The following CHST9 variants were observed in gnomAD, a reference collection of about 807,000 sequenced individuals.
CHST9 encodes carbohydrate sulfotransferase 9, also known as GalNAc-4-sulfotransferase 2.
Under a neutral mutation model 44.4 loss-of-function variants are expected in CHST9, and 41 were observed. That is an observed-to-expected ratio of 0.92 (90% CI 0.72 to 1.20). The LOEUF (loss-of-function observed/expected upper bound fraction) is 1.20, where lower values mean the gene tolerates loss of function less well. CHST9 is among the 50% of genes most tolerant of loss of function. The probability of loss-of-function intolerance (pLI) is 0.00; values close to 1 mark genes in which losing one functional copy is unlikely to be tolerated. For missense variants in CHST9, 504 were observed against 516.5 expected (o/e 0.98, Z 0.23); for synonymous variants, 171 against 178.4 (o/e 0.96, Z 0.33).
chr18:26,952,553 G>A, intron 4 of CHST9: 1 of 432,578 alleles, frequency 2.3e-6, no homozygotes, highest in East Asian at 6.0e-5. Context: ...TTACCACCTT[G>A]TGAAAGTTTA....
intron 2 of CHST9, among the ~76,000 whole-genome samples, chr18:27,067,544 T>G (rs1390968041): frequency 6.6e-6 from 1 of 152,204 alleles, no homozygotes; most frequent in Non-Finnish European, 1.5e-5. Context: ...AATGGTGGGA[T>G]AGTACCCAAG....
chr18:27,123,125 C>G (rs2058389238), intron 2 of CHST9, among the ~76,000 whole-genome samples: 1 of 152,202 alleles, frequency 6.6e-6, no homozygotes, highest in African/African-American at 2.4e-5. Context: ...TTTCTCAGAA[C>G]TCCCAATGTG....
intron 4 of CHST9, among the ~76,000 whole-genome samples, chr18:26,985,764 T>C (rs1276631401): frequency 5.9e-5 from 9 of 152,172 alleles, no homozygotes; most frequent in Admixed American, 4.6e-4. Flanking sequence ...TTAGAGGGGA[T>C]AGTGCCTGAC....
chr18:27,105,171 A>G (rs1354012411), intron 2 of CHST9, among the ~76,000 whole-genome samples: 4 of 152,128 alleles, frequency 2.6e-5, no homozygotes, highest in South Asian at 2.1e-4. Flanking sequence ...ATTTATTACT[A>G]TAAAAAAAGA....
chr18:27,146,967 G>C (rs1026685457), intron 1 of CHST9, among the ~76,000 whole-genome samples: 1 of 152,132 alleles, frequency 6.6e-6, no homozygotes, highest in Admixed American at 6.5e-5. Context: ...GCTACAAACG[G>C]AAGTATTTTG....
intron 1 of CHST9, among the ~76,000 whole-genome samples, chr18:27,152,023 A>G (rs1000173268): frequency 6.6e-5 from 10 of 152,142 alleles, no homozygotes; most frequent in Admixed American, 1.3e-4. Flanking sequence ...TTTTTCACAT[A>G]TTTTTCAAAT....
intron 4 of CHST9, among the ~76,000 whole-genome samples, chr18:26,969,099 C>T (rs35507377): frequency 2.0e-5 from 3 of 150,914 alleles, no homozygotes; most frequent in African/African-American, 7.3e-5. Flanking sequence ...CCCGGGTTCA[C>T]GCCATTCTCC....
chr18:27,056,020 T>C (rs2057651336), intron 2 of CHST9, among the ~76,000 whole-genome samples: 1 of 152,154 alleles, frequency 6.6e-6, no homozygotes, highest in Non-Finnish European at 1.5e-5. Context: ...CTCTAGGTTT[T>C]AAAAGTTGCA....
intron 5 of CHST9, among the ~76,000 whole-genome samples, chr18:26,932,799 C>CT (rs2055903793): frequency 6.6e-6 from 1 of 152,186 alleles, no homozygotes; most frequent in Admixed American, 6.5e-5. Flanking sequence ...TTATAGAACT[C>CT]TTTTTTAGCA....
chr18:26,925,932 C>A (rs1194376767), intron 5 of CHST9: 10 of 151,424 alleles, frequency 6.6e-5, no homozygotes, highest in African/African-American at 2.2e-4. Flanking sequence ...CAACATGTAG[C>A]AAAGTTAAAT....
chr18:27,139,239 C>T (rs1043530986), intron 2 of CHST9, among the ~76,000 whole-genome samples: 10 of 152,042 alleles, frequency 6.6e-5, no homozygotes, highest in African/African-American at 2.2e-4. Flanking sequence ...TAAGAATTCT[C>T]ATATATAACT....
chr18:27,077,781 A>C (rs2057919794), intron 2 of CHST9, among the ~76,000 whole-genome samples: 1 of 152,228 alleles, frequency 6.6e-6, no homozygotes, highest in African/African-American at 2.4e-5. Context: ...TACAAATTGT[A>C]TTAATTTGTT....
At chr18:27,156,380 T>C (rs543913499) in intron 1 of CHST9, among the ~76,000 whole-genome samples, 38 of 152,242 alleles carry the variant, frequency 2.5e-4, no homozygotes, top group Non-Finnish European at 5.0e-4. Flanking sequence ...TTGGGTACTA[T>C]GTATATAATC....
intron 2 of CHST9, among the ~76,000 whole-genome samples, chr18:27,114,105 T>C (rs1385802138): frequency 1.3e-5 from 2 of 152,216 alleles, no homozygotes; most frequent in African/African-American, 2.4e-5. Flanking sequence ...ACTGACATAA[T>C]GCAAACTTGC....
chr18:26,999,554 A>G (rs1001553060), intron 4 of CHST9, among the ~76,000 whole-genome samples: 1 of 152,176 alleles, frequency 6.6e-6, no homozygotes, highest in Non-Finnish European at 1.5e-5. Flanking sequence ...AAGTAATTAC[A>G]TGTTTTGTAA....
intron 1 of CHST9, among the ~76,000 whole-genome samples, chr18:27,184,646 C>T (rs1026027304): frequency 2.6e-5 from 4 of 152,126 alleles, no homozygotes; most frequent in African/African-American, 7.2e-5. Flanking sequence ...GCAAAGGAGG[C>T]ACCCCCGCAG....
At chr18:26,937,674 GAA>G (rs1360234457) in intron 5 of CHST9, among the ~76,000 whole-genome samples, 2 of 152,122 alleles carry the variant, frequency 1.3e-5, no homozygotes, top group African/African-American at 4.8e-5. Context: ...GATTTTAGAC[GAA>G]CTAATTCGCC....
chr18:27,158,932 C>T (rs2058721293), intron 1 of CHST9, among the ~76,000 whole-genome samples: 1 of 152,238 alleles, frequency 6.6e-6, no homozygotes, highest in Non-Finnish European at 1.5e-5. Context: ...TGTTCATATC[C>T]TTCGCCCACT....
intron 4 of CHST9, among the ~76,000 whole-genome samples, chr18:27,007,085 A>C (rs1175745): frequency 0.34 from 51,660 of 152,020 alleles, 9,502 homozygotes; most frequent in East Asian, 0.47. Flanking sequence ...CTGGTATCAA[A>C]GTCTCCATGG....
Sources: allele counts gnomAD v4.1 joint callset (sites outside exome capture counted in the v4.1 genomes callset), GRCh38; gene constraint gnomAD v4.1.1; transcripts MANE v1.5; gene names NCBI Gene and HGNC (gene_info 2026-07-23, HGNC 2026-07-21).